Variants in TMEM117 observed in about 807,000 individuals in gnomAD.
TMEM117 encodes the protein transmembrane protein 117.
In TMEM117, 27 loss-of-function variants were observed where a neutral mutation model predicts 52.4. That is an observed-to-expected ratio of 0.51 (90% CI 0.38 to 0.71). TMEM117 has a LOEUF of 0.71. TMEM117 is among the 30% of genes least tolerant of loss of function. The pLI is 0.00. For missense variants in TMEM117, 556 were observed against 630.5 expected (o/e 0.88, Z 1.26); for synonymous variants, 215 against 206.3 (o/e 1.04, Z -0.36).
At chr12:44,296,018 G>A (rs554401358) in intron 5 of TMEM117, among the ~76,000 whole-genome samples, 5 of 152,316 alleles carry the variant, frequency 3.3e-5, no homozygotes, top group African/African-American at 1.2e-4. Context: ...AGCCTGCTAG[G>A]ATTGGTTTTG....
At chr12:44,097,798 A>T (rs924400060) in intron 3 of TMEM117, among the ~76,000 whole-genome samples, 1 of 150,906 alleles carries the variant, frequency 6.6e-6, no homozygotes, top group Non-Finnish European at 1.5e-5. Context: ...AACATGGCAC[A>T]TGTATACATA....
Position 44,388,678 on chromosome 12 carries a change from G to T in TMEM117, c.*6G>T, listed in dbSNP as rs1952130316. 2.5e-6 allele frequency: 4 copies of T among 1,610,896 alleles called. No individual in the cohort carries two copies. In the East Asian group the frequency reaches 8.9e-5, roughly 36 times the overall value. ...AAAGTACACCTACGAACTAGACTCG[G>T]AGATAGACTTGGAGATAACACAAAA... On this transcript the variant is annotated 3_prime_UTR_variant, in exon 8 of 8. Coordinates refer to ENST00000266534, the MANE Select transcript of TMEM117 (RefSeq NM_032256.3).
At chr12:44,008,377 A>C (rs901225746) in intron 3 of TMEM117, among the ~76,000 whole-genome samples, 1 of 152,234 alleles carries the variant, frequency 6.6e-6, no homozygotes, top group Non-Finnish European at 1.5e-5. Flanking sequence ...ACATATAGAT[A>C]GATAGGTAAA....
intron 4 of TMEM117, among the ~76,000 whole-genome samples, chr12:44,145,196 G>C (rs961897016): frequency 6.6e-6 from 1 of 152,116 alleles, no homozygotes; most frequent in Non-Finnish European, 1.5e-5. Context: ...TTTTCCATTG[G>C]AAAAAGCTTT....
intron 3 of TMEM117, among the ~76,000 whole-genome samples, chr12:44,092,768 C>T (rs1247830508): frequency 3.3e-5 from 5 of 152,166 alleles, no homozygotes; most frequent in African/African-American, 4.8e-5. Flanking sequence ...ATTCTTTCAC[C>T]AGTAGTTTTT....
chr12:43,845,261 G>A (rs1462616656), intron 2 of TMEM117, among the ~76,000 whole-genome samples: 2 of 152,026 alleles, frequency 1.3e-5, no homozygotes, highest in East Asian at 3.9e-4. Context: ...AGAAGTTTGA[G>A]ATCAGCCTGG....
At chr12:43,942,195 C>G (rs949903739) in intron 2 of TMEM117, among the ~76,000 whole-genome samples, 3 of 152,294 alleles carry the variant, frequency 2.0e-5, no homozygotes, top group African/African-American at 7.2e-5. Context: ...TAATTGACTT[C>G]AAGCACTGTC....
intron 2 of TMEM117, among the ~76,000 whole-genome samples, chr12:43,901,043 A>G (rs1302169154): frequency 6.6e-6 from 1 of 152,082 alleles, no homozygotes; most frequent in East Asian, 1.9e-4. Context: ...GGTTGTTTCT[A>G]TTTTTCTTTT....
intron 6 of TMEM117, among the ~76,000 whole-genome samples, chr12:44,353,102 C>T (rs538494474): frequency 7.2e-5 from 11 of 152,078 alleles, no homozygotes; most frequent in South Asian, 4.2e-4. Flanking sequence ...TTCTTTTGAG[C>T]GGTGTCTGTT....
intron 2 of TMEM117, among the ~76,000 whole-genome samples, chr12:43,901,737 A>G (rs1433591939): frequency 6.6e-6 from 1 of 152,236 alleles, no homozygotes; most frequent in East Asian, 1.9e-4. Context: ...ATTACGAAGA[A>G]TAGATGAAGC....
At chr12:44,199,181 T>G (rs2138363718) in intron 4 of TMEM117, among the ~76,000 whole-genome samples, 1 of 149,884 alleles carries the variant, frequency 6.7e-6, no homozygotes, top group Non-Finnish European at 1.5e-5. Context: ...TGAAGATGTC[T>G]CATTCTGATG....
At chr12:43,835,432 G>GTGTATT (rs1334964956), upstream of TMEM117, among the ~76,000 whole-genome samples, 2 of 152,226 alleles carry the variant, frequency 1.3e-5, no homozygotes, top group Admixed American at 1.3e-4. Flanking sequence ...GTATGCATGA[G>GTGTATT]TGTATTTGTG....
intron 1 of TMEM117, among the ~76,000 whole-genome samples, chr12:43,842,558 T>A (rs540470758): frequency 7.2e-5 from 11 of 152,292 alleles, no homozygotes; most frequent in Admixed American, 6.5e-5. Flanking sequence ...CCCAGAATAT[T>A]GGATTGGGAC....
At chr12:44,106,036 G>A (rs1483565373) in intron 3 of TMEM117, among the ~76,000 whole-genome samples, 1 of 152,030 alleles carries the variant, frequency 6.6e-6, no homozygotes, top group East Asian at 1.9e-4. Flanking sequence ...ATCAATTACA[G>A]TTCAGGTTTT....
At chr12:44,209,351 T>C (rs531951522) in intron 4 of TMEM117, among the ~76,000 whole-genome samples, 138 of 152,254 alleles carry the variant, frequency 9.1e-4, no homozygotes, top group African/African-American at 3.2e-3. Flanking sequence ...ATCATTTTGA[T>C]GGAAAATACA....
At chr12:43,920,124 C>G (rs1378885488) in intron 2 of TMEM117, among the ~76,000 whole-genome samples, 1 of 152,120 alleles carries the variant, frequency 6.6e-6, no homozygotes, top group East Asian at 1.9e-4. Flanking sequence ...GAGTTTGAAA[C>G]ACTGAAGTTG....
intron 6 of TMEM117, among the ~76,000 whole-genome samples, chr12:44,316,426 G>A (rs951745515): frequency 1.3e-5 from 2 of 152,132 alleles, no homozygotes; most frequent in East Asian, 1.9e-4. Flanking sequence ...CTTCTGGCTT[G>A]TAATATTTCA....
At chr12:43,891,989 C>T (rs1944114701) in intron 2 of TMEM117, among the ~76,000 whole-genome samples, 1 of 152,074 alleles carries the variant, frequency 6.6e-6, no homozygotes. Flanking sequence ...TAGCCTTTTT[C>T]CAAACTGGCC....
intron 4 of TMEM117, among the ~76,000 whole-genome samples, chr12:44,147,683 C>G (rs1948663244): frequency 6.6e-6 from 1 of 151,984 alleles, no homozygotes; most frequent in Non-Finnish European, 1.5e-5. Flanking sequence ...CACCTGTAAC[C>G]CCAGCACTTG....
Sources: allele counts gnomAD v4.1 joint callset (sites outside exome capture counted in the v4.1 genomes callset), GRCh38; gene constraint gnomAD v4.1.1; transcripts MANE v1.5; gene names NCBI Gene and HGNC (gene_info 2026-07-23, HGNC 2026-07-21).